Variants in GATAD2B observed in about 807,000 individuals in gnomAD.
GATAD2B encodes the protein GATA zinc finger domain containing 2B.
In GATAD2B, 8 loss-of-function variants were observed where a neutral mutation model predicts 64.3. The observed-to-expected ratio is 0.12, with a 90% confidence interval of 0.07 to 0.22. GATAD2B has a LOEUF of 0.22. Among genes scored for constraint, GATAD2B ranks in the 10% least tolerant of loss-of-function variants. The pLI, the probability that GATAD2B is intolerant of heterozygous loss-of-function variation, is 1.00. For missense variants in GATAD2B, 453 were observed against 752.0 expected (o/e 0.60, Z 4.65); for synonymous variants, 281 against 271.3 (o/e 1.04, Z -0.35).
At chr1:153,875,657 C>A (rs1570980386) in intron 1 of GATAD2B, among the ~76,000 whole-genome samples, 2 of 107,572 alleles carry the variant, frequency 1.9e-5, no homozygotes, top group African/African-American at 3.6e-5. Flanking sequence ...TGATACAGGT[C>A]AATAGACCTA....
intron 1 of GATAD2B, chr1:153,852,520 T>A (rs1227421752): frequency 1.3e-6 from 1 of 765,684 alleles, no homozygotes; most frequent in Non-Finnish European, 2.4e-6. Flanking sequence ...GACTCATCAG[T>A]ATCATCGTAT....
intron 1 of GATAD2B, among the ~76,000 whole-genome samples, chr1:153,893,835 G>A (rs770585296): frequency 1.3e-4 from 20 of 150,480 alleles, no homozygotes; most frequent in African/African-American, 4.2e-4. Flanking sequence ...GCAGGTGCCC[G>A]TAATCCCAGC....
At chr1:153,921,009 T>G (rs1386916612) in intron 1 of GATAD2B, among the ~76,000 whole-genome samples, 1 of 152,162 alleles carries the variant, frequency 6.6e-6, no homozygotes, top group Non-Finnish European at 1.5e-5. Flanking sequence ...AGTGTGGGCC[T>G]TCCCTCAAAA....
chr1:153,835,907 G>T (rs1037672721), intron 1 of GATAD2B, among the ~76,000 whole-genome samples: 4 of 151,916 alleles, frequency 2.6e-5, no homozygotes, highest in African/African-American at 9.7e-5. Context: ...ATTTTTAGTA[G>T]AGACAAGGTT....
At chr1:153,915,714 G>A (rs776782883) in intron 1 of GATAD2B, among the ~76,000 whole-genome samples, 4 of 146,002 alleles carry the variant, frequency 2.7e-5, no homozygotes, top group Non-Finnish European at 6.0e-5. Context: ...CATGGAGCCT[G>A]GGCAACAGAG....
chr1:153,897,429 C>G (rs1287631148), intron 1 of GATAD2B, among the ~76,000 whole-genome samples: 1 of 152,132 alleles, frequency 6.6e-6, no homozygotes, highest in Non-Finnish European at 1.5e-5. Context: ...ACGATGAGAA[C>G]AGAATGATCT....
chr1:153,824,968 C>A (rs1413143059), intron 2 of GATAD2B, among the ~76,000 whole-genome samples: 1 of 152,076 alleles, frequency 6.6e-6, no homozygotes, highest in African/African-American at 2.4e-5. Flanking sequence ...CGCCTATAGT[C>A]CCAGCTACTT....
intron 1 of GATAD2B, among the ~76,000 whole-genome samples, chr1:153,841,332 T>G (rs765241359): frequency 6.6e-6 from 1 of 152,024 alleles, no homozygotes; most frequent in Non-Finnish European, 1.5e-5. Flanking sequence ...TCTACACAAT[T>G]TTGTCACATT....
chr1:153,834,576 G>C (rs1360354976), intron 1 of GATAD2B, among the ~76,000 whole-genome samples: 1 of 151,832 alleles, frequency 6.6e-6, no homozygotes, highest in African/African-American at 2.4e-5. Context: ...TTTTAGTAGA[G>C]AAAGGGTTTC....
intron 1 of GATAD2B, among the ~76,000 whole-genome samples, chr1:153,838,471 A>T (rs748876033): frequency 6.6e-6 from 1 of 152,062 alleles, no homozygotes; most frequent in African/African-American, 2.4e-5. Flanking sequence ...CAATGGCACA[A>T]TCTCAGCTCA....
At chr1:153,883,068 A>G (rs938873092) in intron 1 of GATAD2B, among the ~76,000 whole-genome samples, 2 of 152,212 alleles carry the variant, frequency 1.3e-5, no homozygotes, top group East Asian at 1.9e-4. Flanking sequence ...TTTTCAACTG[A>G]TATCTCCCAT....
chr1:153,816,298 G>A lies in GATAD2B; in HGVS notation c.1191C>T (p.Val397=), dbSNP rs371307289. Residue 397 remains valine, a synonymous_variant, in exon 7 of 11, where the codon GTC becomes GTT. Coordinates refer to ENST00000368655, the MANE Select transcript of GATAD2B (RefSeq NM_020699.4). This position sits in a 1 kb window ranked among gnomAD's most constrained non-coding sequence, Gnocchi z 4.9. ...CTTGGCTGTCAATGACACTCTGTAC[G>A]ACTTCTTCCAAGCCTACCATGTAGA... ...EFIYMVGLEE[V]VQSVIDSQGK... is the part of the protein sequence containing the mutation. The A allele has an allele frequency of 2.7e-5, 43 of 1,612,782 alleles. No homozygotes were observed. Among genetic ancestry groups the A allele is most frequent in the African/African-American group, 2.3e-4 (17 of 75,016 alleles).
chr1:153,843,512 C>T (rs559191769), intron 1 of GATAD2B, among the ~76,000 whole-genome samples: 32 of 152,196 alleles, frequency 2.1e-4, no homozygotes, highest in Non-Finnish European at 3.7e-4. Context: ...TGGCCTCACA[C>T]GATCCTCCTG....
In GATAD2B at chr1:153,828,309, C is replaced by G. The variant is rs1408603863; in HGVS notation, c.39G>C (p.Leu13=). 2 of 1,612,358 alleles carry G rather than the reference C, an allele frequency of 1.2e-6. No individual in the cohort carries two copies. Among genetic ancestry groups the G allele is most frequent in the Non-Finnish European group, 8.5e-7 (1 of 1,180,010 alleles). The change falls in exon 2 of 11, where the codon CTG becomes CTC. Residue 13 remains leucine (L), a synonymous_variant. Transcript: ENST00000368655. ...RMTEDALRLN[L]LKRSLDPADE... is the part of the protein sequence containing the mutation. ...CTGCTGGGTCCAAGCTCCGCTTCAA[C>G]AGATTCAAGCGAAGAGCATCTTCTG...
At chr1:153,823,854 C>G (rs1463926683) in intron 2 of GATAD2B, among the ~76,000 whole-genome samples, 1 of 151,988 alleles carries the variant, frequency 6.6e-6, no homozygotes, top group African/African-American at 2.4e-5. Context: ...CTCAGCCTTC[C>G]AAGTAGCTAG....
rs57287798 is a variant in GATAD2B, at chr1:153,893,955, TAAAAA to T, written c.-2+28773_-2+28777del. Among the ~76,000 whole-genome samples, 561 of 68,586 alleles carry T rather than the reference TAAAAA, an allele frequency of 8.2e-3. 4 individuals carry two copies. Among genetic ancestry groups the T allele is most frequent in the African/African-American group, 0.024 (363 of 15,420 alleles). 45.0% of individuals were successfully genotyped at this position (68,586 alleles called of 152,430 possible). On this transcript the variant is annotated intron_variant, in intron 1 of 10. Coordinates refer to ENST00000368655, the MANE Select transcript of GATAD2B (RefSeq NM_020699.4). ...CTGGGTGACTGAACAAGACTCCATCTAAAAAAAAAAAAAAAAAAAAAAAAAAACCC... is the reference window on the plus strand; with the variant it reads ...CTGGGTGACTGAACAAGACTCCATCTAAAAAAAAAAAAAAAAAAAAAACCC...
chr1:153,915,118 G>C (rs1365404479), intron 1 of GATAD2B, among the ~76,000 whole-genome samples: 1 of 152,134 alleles, frequency 6.6e-6, no homozygotes, highest in Non-Finnish European at 1.5e-5. Flanking sequence ...AGCTACTCAG[G>C]AAGCTGAGGC....
Position 153,891,945 on chromosome 1 carries a change from T to C in GATAD2B, c.-2+30788A>G, listed in dbSNP as rs1053951217. On this transcript the variant is annotated intron_variant, in intron 1 of 10. Coordinates refer to ENST00000368655, the MANE Select transcript of GATAD2B (RefSeq NM_020699.4). The stretch of plus-strand genomic sequence containing the variant: ...TTGGGAGGCTGAGGCGGGCGGATCA[T>C]GAGGTCAAGAAATCGAGACCATCCT... Among the ~76,000 whole-genome samples, 26 of 151,270 alleles carry C rather than the reference T, an allele frequency of 1.7e-4. 1 individual carries two copies. Among genetic ancestry groups the C allele is most frequent in the Non-Finnish European group, 3.8e-4 (26 of 67,798 alleles).
chr1:153,811,775 T>G lies in GATAD2B; in HGVS notation c.1604A>C (p.Gln535Pro). The change falls in exon 10 of 11, where the codon CAG becomes CCG. Residue 535 changes from glutamine to proline, a missense_variant. Physicochemically the swap from Gln to Pro is moderately conservative, Grantham distance 76. Coordinates refer to ENST00000368655, the MANE Select transcript of GATAD2B (RefSeq NM_020699.4). ...SARSMLSNFA[Q>P]APQLSVPGGL... ...ACCTGGCACAGACAACTGGGGTGCC[T>G]GTGCAAAGTTTGAAAGCATGGAGCG... The G allele has an allele frequency of 6.2e-7, 1 of 1,612,342 alleles. No homozygotes were observed. Among genetic ancestry groups the G allele is most frequent in the South Asian group, 1.1e-5 (1 of 90,696 alleles).
Sources: gnomAD v4.1 joint callset for allele counts (sites outside exome capture counted in the v4.1 genomes callset) on GRCh38, gnomAD v4.1.1 for gene constraint, Gnocchi (gnomAD v3.1) non-coding constraint, MANE v1.5 for transcripts, NCBI Gene and HGNC (gene_info 2026-07-23, HGNC 2026-07-21) for gene names.